Variants in FAM107B observed in about 807,000 individuals in gnomAD.
FAM107B encodes the protein family with sequence similarity 107 member B.
In FAM107B, 21 loss-of-function variants were observed where a neutral mutation model predicts 31.5. The ratio of observed to expected loss-of-function variants is 0.67; its 90% CI spans 0.47 to 0.96. FAM107B has a LOEUF of 0.96. Ranked by LOEUF, FAM107B falls within the 40% of genes least tolerant of loss-of-function variation. The pLI is 0.00. For missense variants in FAM107B, 452 were observed against 377.1 expected (o/e 1.20, Z -1.64); for synonymous variants, 157 against 141.5 (o/e 1.11, Z -0.78).
chr10:14,722,766 T>A (rs1482992752), intron 1 of FAM107B, among the ~76,000 whole-genome samples: 1 of 152,336 alleles, frequency 6.6e-6, no homozygotes, highest in Non-Finnish European at 1.5e-5. Flanking sequence ...CCATAGGTTG[T>A]CTTTTTAATT....
chr10:14,765,153 A>G (rs184865607), intron 1 of FAM107B, among the ~76,000 whole-genome samples: 206 of 152,322 alleles, frequency 1.4e-3, no homozygotes, highest in Non-Finnish European at 1.4e-3. Flanking sequence ...AACATGCCCT[A>G]TTTCTAACTG....
chr10:14,772,240 G>C (rs1227503441), intron 1 of FAM107B, among the ~76,000 whole-genome samples: 1 of 152,038 alleles, frequency 6.6e-6, no homozygotes, highest in Non-Finnish European at 1.5e-5. Flanking sequence ...TGTAGTCCCA[G>C]CCACTCGTGG....
intron 1 of FAM107B, among the ~76,000 whole-genome samples, chr10:14,750,935 G>A: frequency 6.6e-6 from 1 of 152,200 alleles, no homozygotes. Flanking sequence ...GGTACCATGA[G>A]GAATCAGGGG....
rs1255377784 is a variant in FAM107B at position 14,521,177 on chromosome 10, G to T, written c.*13C>A. The T allele has an allele frequency of 3.7e-6, 6 of 1,607,818 alleles. No individual in the cohort carries two copies. The highest frequency in any genetic ancestry group is 5.1e-6 in the Non-Finnish European group (6 of 1,174,588). On this transcript the variant is annotated 3_prime_UTR_variant, in exon 5 of 5. Transcript: ENST00000181796. The stretch of plus-strand genomic sequence containing the variant: ...CTGTGGGGTGACACACGAGGTCTTG[G>T]TGCAGCCTCAGCCTAGGACTCCTGG...
chr10:14,684,917 C>T (rs1405650120), intron 1 of FAM107B, among the ~76,000 whole-genome samples: 1 of 151,744 alleles, frequency 6.6e-6, no homozygotes, highest in Non-Finnish European at 1.5e-5. Flanking sequence ...ATCTCCGGGG[C>T]TCAAGTGATC....
At chr10:14,644,479 C>T (rs1416489687) in intron 2 of FAM107B, among the ~76,000 whole-genome samples, 1 of 152,238 alleles carries the variant, frequency 6.6e-6, no homozygotes, top group Non-Finnish European at 1.5e-5. Context: ...AGACCCATTA[C>T]ACCATGTACA....
chr10:14,624,125 T>C (rs1422794620), intron 2 of FAM107B, among the ~76,000 whole-genome samples: 1 of 152,124 alleles, frequency 6.6e-6, no homozygotes, highest in East Asian at 1.9e-4. Context: ...GGGAAGCTGG[T>C]GCCCAATTCA....
intron 2 of FAM107B, among the ~76,000 whole-genome samples, chr10:14,611,889 A>C (rs2039016): frequency 0.98 from 149,704 of 152,084 alleles, 73,728 homozygotes; most frequent in East Asian, 1. Flanking sequence ...TCTCAGCCAC[A>C]AAATACATAT....
At chr10:14,610,215 C>T (rs1221633196) in intron 2 of FAM107B, among the ~76,000 whole-genome samples, 5 of 152,010 alleles carry the variant, frequency 3.3e-5, no homozygotes, top group South Asian at 4.2e-4. Context: ...TGGTGATGGG[C>T]GCTTGTAGTC....
chr10:14,747,223 G>C (rs549385237), intron 1 of FAM107B, among the ~76,000 whole-genome samples: 1 of 152,194 alleles, frequency 6.6e-6, no homozygotes, highest in South Asian at 2.1e-4. Context: ...TAGCTTCTTT[G>C]CATTGGGTTA....
chr10:14,746,892 A>G (rs1212407480), intron 1 of FAM107B, among the ~76,000 whole-genome samples: 2 of 152,172 alleles, frequency 1.3e-5, no homozygotes, highest in African/African-American at 4.8e-5. Context: ...ATGTTTTCCA[A>G]CTTGGTTCTA....
At chr10:14,704,596 G>A (rs1462445668) in intron 1 of FAM107B, among the ~76,000 whole-genome samples, 3 of 152,120 alleles carry the variant, frequency 2.0e-5, no homozygotes, top group Non-Finnish European at 4.4e-5. Context: ...TGAATCTAAG[G>A]TGAAATCAAA....
intron 2 of FAM107B, among the ~76,000 whole-genome samples, chr10:14,634,751 T>C (rs2131423488): frequency 6.6e-6 from 1 of 152,150 alleles, no homozygotes; most frequent in East Asian, 1.9e-4. Flanking sequence ...GCCATCACTG[T>C]GGGGGTGGAG....
At chr10:14,657,625 T>C (rs1854098254) in intron 2 of FAM107B, among the ~76,000 whole-genome samples, 2 of 152,200 alleles carry the variant, frequency 1.3e-5, no homozygotes, top group South Asian at 4.1e-4. Flanking sequence ...AACTTTCTCC[T>C]ACTTACACTT....
At chr10:14,767,044 A>G in intron 1 of FAM107B, among the ~76,000 whole-genome samples, 1 of 39,048 alleles carries the variant, frequency 2.6e-5, no homozygotes, top group East Asian at 1.6e-3. Context: ...ATATATATAT[A>G]TATATATATA....
At chr10:14,618,051 A>T (rs1262219436) in intron 2 of FAM107B, among the ~76,000 whole-genome samples, 23 of 152,160 alleles carry the variant, frequency 1.5e-4, no homozygotes, top group Admixed American at 1.5e-3. Context: ...CCACCTAAAA[A>T]AGTTGACTCA....
At chr10:14,590,446 T>C (rs1263887570) in intron 2 of FAM107B, among the ~76,000 whole-genome samples, 1 of 152,250 alleles carries the variant, frequency 6.6e-6, no homozygotes, top group Non-Finnish European at 1.5e-5. Context: ...TTGCCCATGA[T>C]AGTTAGAATC....
chr10:14,686,578 AACCTTTCAGAATG>A (rs1377331371), intron 1 of FAM107B, among the ~76,000 whole-genome samples: 1 of 152,142 alleles, frequency 6.6e-6, no homozygotes, highest in African/African-American at 2.4e-5. Flanking sequence ...TTTCCTGTAG[AACCTTTCAGAATG>A]AATGGAAACT....
At chr10:14,747,554 T>C (rs1473961498) in intron 1 of FAM107B, among the ~76,000 whole-genome samples, 4 of 152,288 alleles carry the variant, frequency 2.6e-5, no homozygotes, top group South Asian at 2.1e-4. Context: ...CCCTCTTCCA[T>C]AGGGTGGCTG....
Sources: allele counts gnomAD v4.1 joint callset (sites outside exome capture counted in the v4.1 genomes callset), GRCh38; gene constraint gnomAD v4.1.1; transcripts MANE v1.5; gene names NCBI Gene and HGNC (gene_info 2026-07-23, HGNC 2026-07-21).